The following DCP2 variants were observed in gnomAD, a reference collection of about 807,000 sequenced individuals.
The protein encoded by DCP2 is decapping mRNA 2, also known as m7GpppN-mRNA hydrolase.
DCP2 carries 30 observed loss-of-function variants against 56.1 expected under a neutral mutation model. The ratio of observed to expected loss-of-function variants is 0.53; its 90% confidence interval spans 0.40 to 0.73. The LOEUF is 0.73. DCP2 is among the 30% of genes least tolerant of loss of function. The pLI, the probability that DCP2 is intolerant of heterozygous loss-of-function variation, is 0.00. For synonymous variants in DCP2, 197 were observed against 163.3 expected (o/e 1.21, Z -1.57); for missense variants, 533 against 502.7 (o/e 1.06, Z -0.58).
At chr5:112,982,687 G>A (rs1299819807) in intron 1 of DCP2, among the ~76,000 whole-genome samples, 1 of 151,974 alleles carries the variant, frequency 6.6e-6, no homozygotes, top group Non-Finnish European at 1.5e-5. Context: ...CTTAGTTACT[G>A]TACATTTAAA....
intron 1 of DCP2, among the ~76,000 whole-genome samples, chr5:112,979,052 T>C (rs1472133653): frequency 1.3e-5 from 2 of 152,182 alleles, no homozygotes; most frequent in Non-Finnish European, 2.9e-5. Context: ...ATTCACAAAA[T>C]AATTACGTTG....
intron 9 of DCP2, among the ~76,000 whole-genome samples, chr5:113,008,846 T>C (rs111610400): frequency 0.01 from 1,467 of 141,852 alleles, 24 homozygotes; most frequent in African/African-American, 0.037. Flanking sequence ...ACTAGACAGA[T>C]AACTTTTTTT....
rs377520502 is a variant in DCP2, at chr5:112,984,699, A to ATATATAT, written c.54-1136_54-1135insTATATAT. 2.6e-3 allele frequency: 205 copies of ATATATAT among 78,476 alleles called. 2 individuals are homozygous for ATATATAT. Among genetic ancestry groups the ATATATAT allele is most frequent in the African/African-American group, 9.7e-3 (149 of 15,412 alleles). The allele number at this position is 78,476 out of a possible 1,614,324, so 4.9% of individuals were successfully genotyped here. A position where few individuals can be genotyped will look rare whatever the true frequency, so the allele number is the denominator to read the frequency against. Reference sequence around the variant, plus strand: ...TTATTTCTTAATTAAAAAAAAAAAAAAAAAATATATATATATATATATATA... The same window carrying ATATATAT: ...TTATTTCTTAATTAAAAAAAAAAAAATATATATAAAAATATATATATATATATATATA... On this transcript the variant is annotated intron_variant, in intron 1 of 10. Coordinates refer to ENST00000389063, the MANE Select transcript of DCP2 (RefSeq NM_152624.6).
chr5:113,009,759 A>G (rs6888851), intron 9 of DCP2, among the ~76,000 whole-genome samples: 29,333 of 152,134 alleles, frequency 0.19, 2,951 homozygotes, highest in African/African-American at 0.22. Context: ...ATTATATTCT[A>G]TTTTTAAAGA....
intron 2 of DCP2, among the ~76,000 whole-genome samples, 178 bp downstream of exon 2, chr5:112,986,164 AATC>A (rs1748274638): frequency 1.3e-5 from 2 of 152,048 alleles, no homozygotes; most frequent in Admixed American, 1.3e-4. Flanking sequence ...TAATAATCAT[AATC>A]ATTAATACTC....
intron 4 of DCP2, among the ~76,000 whole-genome samples, chr5:112,999,524 C>A (rs1749031553): frequency 6.6e-6 from 1 of 151,728 alleles, no homozygotes; most frequent in African/African-American, 2.4e-5. Flanking sequence ...GACGGAGTTT[C>A]TCCATGTTGG....
intron 1 of DCP2, among the ~76,000 whole-genome samples, chr5:112,977,689 C>T (rs768297231): frequency 7.9e-5 from 12 of 152,184 alleles, no homozygotes; most frequent in Non-Finnish European, 1.5e-4. Context: ...AAATTTTCTG[C>T]ATTCTTCCCC....
At chr5:112,980,504 CG>C (rs1330468515) in intron 1 of DCP2, among the ~76,000 whole-genome samples, 1 of 152,112 alleles carries the variant, frequency 6.6e-6, no homozygotes, top group East Asian at 1.9e-4. Flanking sequence ...CAGTTTTTTC[CG>C]TAACAAATTG....
chr5:112,995,938 A>AG (rs1748826380), intron 4 of DCP2, among the ~76,000 whole-genome samples: 1 of 152,198 alleles, frequency 6.6e-6, no homozygotes, highest in Admixed American at 6.5e-5. Context: ...GAGCACACTT[A>AG]TACCCTTCTT....
At chr5:112,993,946 GTTTTAA>G (rs925350638) in intron 4 of DCP2, among the ~76,000 whole-genome samples, 1 of 151,596 alleles carries the variant, frequency 6.6e-6, no homozygotes, top group Non-Finnish European at 1.5e-5. Flanking sequence ...CAACATCATA[GTTTTAA>G]TTTTTATTTA....
At chr5:112,977,706 A>G (rs566531465) in intron 1 of DCP2, among the ~76,000 whole-genome samples, 2 of 152,292 alleles carry the variant, frequency 1.3e-5, no homozygotes, top group Admixed American at 1.3e-4. Context: ...CCCCCTTGTC[A>G]ACTCTGATTT....
intron 9 of DCP2, among the ~76,000 whole-genome samples, chr5:113,009,382 A>T (rs1749581312): frequency 6.6e-6 from 1 of 152,234 alleles, no homozygotes; most frequent in African/African-American, 2.4e-5. Flanking sequence ...GGACTGATAA[A>T]CATATCACAG....
At position 113,013,611 on chromosome 5, in the gene DCP2, T is replaced by C; in HGVS notation, c.*127T>C. On this transcript the variant is annotated 3_prime_UTR_variant, in exon 11 of 11. Coordinates refer to ENST00000389063, the MANE Select transcript of DCP2 (RefSeq NM_152624.6). ...AGGGAGGCAATGTTTCTGAAGACAT[T>C]TTCTGTTTATAAGAGAGTAGAAAGA... 8.7e-7 allele frequency: 1 copy of C among 1,149,764 alleles called. No homozygotes were observed. The highest frequency in any genetic ancestry group is 2.4e-5 in the East Asian group (1 of 42,434). 71.2% of individuals were successfully genotyped at this position (1,149,764 alleles called of 1,614,324 possible).
chr5:112,990,322 C>T (rs1320713969), intron 2 of DCP2, among the ~76,000 whole-genome samples: 2 of 152,178 alleles, frequency 1.3e-5, no homozygotes, highest in Non-Finnish European at 2.9e-5. Context: ...TCTGTTTTCT[C>T]TTTTGTAAAT....
chr5:112,989,977 T>C (rs1038034729), intron 2 of DCP2, among the ~76,000 whole-genome samples: 1 of 152,186 alleles, frequency 6.6e-6, no homozygotes, highest in Admixed American at 6.5e-5. Flanking sequence ...GTACCCAGGT[T>C]TCTAGTATGA....
intron 7 of DCP2, among the ~76,000 whole-genome samples, chr5:113,003,663 G>A (rs1407120335): frequency 6.6e-6 from 1 of 151,992 alleles, no homozygotes; most frequent in Non-Finnish European, 1.5e-5. Context: ...TCACTTATAG[G>A]GAGGAGATGG....
At chr5:112,997,586 T>G (rs1748920364) in intron 4 of DCP2, among the ~76,000 whole-genome samples, 2 of 152,014 alleles carry the variant, frequency 1.3e-5, no homozygotes, top group Admixed American at 1.3e-4. Flanking sequence ...TGCTGCTCTT[T>G]GGGTTACACT....
rs114419167 is a variant in DCP2, at chr5:113,010,253, C to A, written c.1048-503C>A. Among the ~76,000 whole-genome samples the A allele has an allele frequency of 8.8e-3, 1,318 of 150,498 alleles. 28 individuals carry two copies. Among genetic ancestry groups the A allele is most frequent in the African/African-American group, 0.031 (1,265 of 40,866 alleles). On this transcript the variant is annotated intron_variant, in intron 9 of 10. Transcript: ENST00000389063. Reference sequence around the variant, plus strand: ...GTAGAAATAGGTCTCACCATGTTACCCAGACTGGTCTTGAACTGCTGGGCT... The same window carrying A: ...GTAGAAATAGGTCTCACCATGTTACACAGACTGGTCTTGAACTGCTGGGCT...
intron 8 of DCP2, 70 bp from the exon 9 acceptor site, chr5:113,007,868 C>G: frequency 3.0e-6 from 4 of 1,352,808 alleles, no homozygotes; most frequent in Non-Finnish European, 4.1e-6. Context: ...TAAACATATT[C>G]ATGGGGTATT....
Sources: gnomAD v4.1 joint callset for allele counts (sites outside exome capture counted in the v4.1 genomes callset) on GRCh38, gnomAD v4.1.1 for gene constraint, MANE v1.5 for transcripts, NCBI Gene and HGNC (gene_info 2026-07-23, HGNC 2026-07-21) for gene names.